GNA14: variants seen among roughly 807,000 people sequenced by gnomAD.
GNA14 encodes guanine nucleotide-binding protein subunit alpha-14.
Under a neutral mutation model 42.0 loss-of-function variants are expected in GNA14, and 50 were observed. The observed-to-expected ratio is 1.19, with a 90% CI of 0.95 to 1.51. The LOEUF (loss-of-function observed/expected upper bound fraction) is 1.51. Among genes scored for constraint, GNA14 ranks in the 40% most tolerant of loss-of-function variants. GNA14 has a pLI of 0.00. For synonymous variants in GNA14, 173 were observed against 163.1 expected (o/e 1.06, Z -0.46); for missense variants, 473 against 446.2 (o/e 1.06, Z -0.54).
In GNA14 at chr9:77,581,002, GCACACACA is replaced by G. The variant is rs3052394; in HGVS notation, c.125-51757_125-51750del. ...TTCAATGCTTAAAGATACAATAAAG[GCACACACA>G]CACACACACACACACACACACACAC... On this transcript the variant is annotated intron_variant, in intron 1 of 6. Transcript: ENST00000341700. 9.7e-3 allele frequency among the ~76,000 whole-genome samples: 1,403 copies of G among 144,380 alleles called. 17 individuals carry two copies. The highest frequency in any genetic ancestry group is 0.028 in the African/African-American group (1,111 of 39,112). The allele number at this position is 144,380 out of a possible 152,430, so 94.7% of individuals were successfully genotyped here. A position where few individuals can be genotyped will look rare whatever the true frequency, so the allele number is the denominator to read the frequency against.
intron 2 of GNA14, among the ~76,000 whole-genome samples, chr9:77,522,635 C>T (rs113308817): frequency 1.3e-5 from 2 of 152,142 alleles, no homozygotes; most frequent in African/African-American, 4.8e-5. Context: ...CAGTGGTTCT[C>T]GACCCTGGCT....
chr9:77,640,919 C>A (rs1824248706), intron 1 of GNA14, among the ~76,000 whole-genome samples: 1 of 143,574 alleles, frequency 7.0e-6, no homozygotes, highest in African/African-American at 2.6e-5. Context: ...GTCACAGTGA[C>A]ACAGGAGCCA....
In GNA14 at chr9:77,630,875, A is replaced by C. The variant is rs139653205; in HGVS notation, c.124+16795T>G. Among the ~76,000 whole-genome samples, 44 of 152,304 alleles carry C rather than the reference A, an allele frequency of 2.9e-4. No individual in the cohort carries two copies. In the East Asian group the frequency reaches 7.9e-3, roughly 27 times the overall value. Reference sequence around the variant, plus strand: ...GTACTGATGAAGATGGGAGGATGAGAGACATCAACAGAGCACTGCTCACCA... The same window carrying C: ...GTACTGATGAAGATGGGAGGATGAGCGACATCAACAGAGCACTGCTCACCA... On this transcript the variant is annotated intron_variant, in intron 1 of 6. Transcript: ENST00000341700.
chr9:77,608,688 G>A (rs1369381993), intron 1 of GNA14, among the ~76,000 whole-genome samples: 1 of 149,518 alleles, frequency 6.7e-6, no homozygotes, highest in Non-Finnish European at 1.5e-5. Flanking sequence ...ACAGCCAAAT[G>A]GCCCCATCAT....
At position 77,591,351 on chromosome 9, in the gene GNA14, T is replaced by G. The variant is rs572696648; in HGVS notation, c.124+56319A>C. On this transcript the variant is annotated intron_variant, in intron 1 of 6. Transcript: ENST00000341700. Reference sequence around the variant, plus strand: ...AAATCTTTGAGTATCTGGTGTGAAGTTACAGGAAGATAGAGTACTAGGATT... The same window carrying G: ...AAATCTTTGAGTATCTGGTGTGAAGGTACAGGAAGATAGAGTACTAGGATT... Among the ~76,000 whole-genome samples the G allele has an allele frequency of 7.2e-5, 11 of 152,324 alleles. 1 individual carries two copies. In the East Asian group the frequency reaches 1.9e-3, roughly 27 times the overall value.
At chr9:77,638,830 A>C (rs1824218045) in intron 1 of GNA14, among the ~76,000 whole-genome samples, 1 of 152,238 alleles carries the variant, frequency 6.6e-6, no homozygotes, top group Non-Finnish European at 1.5e-5. Context: ...AGAAGTGGTG[A>C]GATTTGGCAA....
At chr9:77,524,245 C>T (rs1170939783) in intron 2 of GNA14, among the ~76,000 whole-genome samples, 1 of 152,046 alleles carries the variant, frequency 6.6e-6, no homozygotes, top group Non-Finnish European at 1.5e-5. Context: ...ATTGAAAAAA[C>T]ATGTTAGTTA....
intron 1 of GNA14, among the ~76,000 whole-genome samples, chr9:77,550,244 T>C (rs764441887): frequency 6.6e-6 from 1 of 152,186 alleles, no homozygotes; most frequent in Non-Finnish European, 1.5e-5. Flanking sequence ...TTCCAACTTT[T>C]ATCCAGGATA....
intron 3 of GNA14, among the ~76,000 whole-genome samples, chr9:77,433,262 G>A (rs1181720774): frequency 6.6e-6 from 1 of 152,246 alleles, no homozygotes; most frequent in Non-Finnish European, 1.5e-5. Context: ...CGGGACAGGT[G>A]TGAAAGAGCT....
chr9:77,431,213 T>C, intron 4 of GNA14, 108 bp downstream of exon 4: 1 of 983,452 alleles, frequency 1.0e-6, no homozygotes, highest in Non-Finnish European at 1.5e-6. Flanking sequence ...AGGGTCACTC[T>C]GTCCTAAGAG....
At chr9:77,525,919 A>C (rs1172372213) in intron 2 of GNA14, among the ~76,000 whole-genome samples, 5 of 149,980 alleles carry the variant, frequency 3.3e-5, no homozygotes, top group Admixed American at 6.7e-5. Flanking sequence ...TAAAAAAAAA[A>C]AAAAACGGAG....
At chr9:77,610,475 T>C (rs1587847267) in intron 1 of GNA14, among the ~76,000 whole-genome samples, 1 of 152,336 alleles carries the variant, frequency 6.6e-6, no homozygotes, top group South Asian at 2.1e-4. Context: ...TGTCTCTTTT[T>C]ATAAGAGCAC....
At chr9:77,557,181 G>A (rs532875833) in intron 1 of GNA14, among the ~76,000 whole-genome samples, 8 of 152,170 alleles carry the variant, frequency 5.3e-5, no homozygotes, top group African/African-American at 1.4e-4. Context: ...ATGCATATAC[G>A]GAATAAATGA....
chr9:77,430,534 T>G (rs184975923), intron 4 of GNA14, among the ~76,000 whole-genome samples: 70 of 152,146 alleles, frequency 4.6e-4, no homozygotes, highest in African/African-American at 1.3e-3. Flanking sequence ...GGGGGACATG[T>G]TTGAGGGGCT....
intron 1 of GNA14, among the ~76,000 whole-genome samples, chr9:77,643,345 T>C (rs1824299627): frequency 6.6e-6 from 1 of 151,860 alleles, no homozygotes; most frequent in African/African-American, 2.4e-5. Flanking sequence ...GTTCAAGCGA[T>C]TATCTTGCCT....
At chr9:77,619,695 T>A (rs1335383231) in intron 1 of GNA14, among the ~76,000 whole-genome samples, 1 of 152,180 alleles carries the variant, frequency 6.6e-6, no homozygotes, top group Non-Finnish European at 1.5e-5. Context: ...AACTGATAGA[T>A]ATAAAACCCT....
intron 4 of GNA14, 103 bp downstream of exon 4, chr9:77,431,218 T>C: frequency 8.9e-7 from 1 of 1,122,216 alleles, no homozygotes; most frequent in Non-Finnish European, 1.3e-6. Context: ...CACTCTGTCC[T>C]AAGAGATATA....
chr9:77,489,533 C>T (rs1431011299), intron 2 of GNA14, among the ~76,000 whole-genome samples: 1 of 152,222 alleles, frequency 6.6e-6, no homozygotes, highest in Admixed American at 6.5e-5. Flanking sequence ...CTTGGTTCCA[C>T]TGACTTCAAG....
intron 1 of GNA14, among the ~76,000 whole-genome samples, chr9:77,535,772 G>C (rs1000219954): frequency 6.6e-6 from 1 of 151,990 alleles, no homozygotes; most frequent in East Asian, 1.9e-4. Context: ...GGATGCACCC[G>C]GTCCACAGGC....
Sources: allele counts gnomAD v4.1 joint callset (sites outside exome capture counted in the v4.1 genomes callset), GRCh38; gene constraint gnomAD v4.1.1; transcripts MANE v1.5; gene names NCBI Gene and HGNC (gene_info 2026-07-23, HGNC 2026-07-21).